The following PIGK variants were observed in gnomAD, a reference collection of about 807,000 sequenced individuals.
PIGK encodes phosphatidylinositol glycan anchor biosynthesis class K, also known as GPI-anchor transamidase.
PIGK carries 42 observed loss-of-function variants against 50.6 expected under a neutral mutation model. The ratio of observed to expected loss-of-function variants is 0.83; its 90% CI spans 0.65 to 1.07. The LOEUF (loss-of-function observed/expected upper bound fraction) is 1.07, where lower values mean the gene tolerates loss of function less well. PIGK is among the 50% of genes least tolerant of loss of function. The pLI is 0.00. For synonymous variants in PIGK, 151 were observed against 156.0 expected (o/e 0.97, Z 0.24); for missense variants, 448 against 488.7 (o/e 0.92, Z 0.78).
chr1:77,201,551 G>T (rs1246525671), intron 3 of PIGK, among the ~76,000 whole-genome samples: 2 of 152,130 alleles, frequency 1.3e-5, no homozygotes, highest in Non-Finnish European at 2.9e-5. Flanking sequence ...CTTGAGGCCA[G>T]GAGTGTGAGA....
intron 8 of PIGK, among the ~76,000 whole-genome samples, chr1:77,158,553 G>A (rs1557809296): frequency 6.6e-6 from 1 of 152,096 alleles, no homozygotes; most frequent in Non-Finnish European, 1.5e-5. Flanking sequence ...GAGACTTGTT[G>A]AATGGTTTTA....
chr1:77,122,648 G>A (rs1654127993), intron 9 of PIGK, among the ~76,000 whole-genome samples: 1 of 152,162 alleles, frequency 6.6e-6, no homozygotes, highest in Non-Finnish European at 1.5e-5. Flanking sequence ...CTGTCCAAAA[G>A]AGGGTGTTTC....
chr1:77,120,117 C>T (rs1654062429), intron 10 of PIGK, among the ~76,000 whole-genome samples: 1 of 152,124 alleles, frequency 6.6e-6, no homozygotes, highest in African/African-American at 2.4e-5. Context: ...TTATACACTA[C>T]AATAATGCTA....
At chr1:77,208,606 C>T (rs1656346660) in intron 2 of PIGK, among the ~76,000 whole-genome samples, 1 of 152,132 alleles carries the variant, frequency 6.6e-6, no homozygotes, top group East Asian at 1.9e-4. Flanking sequence ...CCCAATAGTT[C>T]TCCTTACTTT....
At chr1:77,214,787 G>A (rs1342628584) in intron 1 of PIGK, among the ~76,000 whole-genome samples, 1 of 152,078 alleles carries the variant, frequency 6.6e-6, no homozygotes, top group Non-Finnish European at 1.5e-5. Flanking sequence ...GAACTGATAA[G>A]ACTAATTCAG....
intron 3 of PIGK, among the ~76,000 whole-genome samples, chr1:77,205,805 T>C (rs1326811589): frequency 6.6e-6 from 1 of 152,124 alleles, no homozygotes; most frequent in Non-Finnish European, 1.5e-5. Context: ...GACAAAACAA[T>C]GTAGAAGACA....
intron 1 of PIGK, among the ~76,000 whole-genome samples, chr1:77,211,215 G>A (rs1656413104): frequency 6.6e-6 from 1 of 151,732 alleles, no homozygotes; most frequent in Non-Finnish European, 1.5e-5. Context: ...TATATTCAAT[G>A]ATGTATTCCA....
chr1:77,217,392 A>C, intron 1 of PIGK, among the ~76,000 whole-genome samples: 1 of 152,324 alleles, frequency 6.6e-6, no homozygotes, highest in Admixed American at 6.5e-5. Flanking sequence ...ATGTGAGAAA[A>C]AGCTTAAAGG....
chr1:77,126,716 T>C (rs1234392129), intron 9 of PIGK, among the ~76,000 whole-genome samples: 1 of 152,198 alleles, frequency 6.6e-6, no homozygotes, highest in Non-Finnish European at 1.5e-5. Flanking sequence ...GTCAGGTCTC[T>C]GACAAACCAT....
intron 1 of PIGK, among the ~76,000 whole-genome samples, chr1:77,218,223 GCAATTAATA>G (rs1251075911): frequency 6.6e-6 from 1 of 152,194 alleles, no homozygotes; most frequent in Non-Finnish European, 1.5e-5. Context: ...TATTCTGTAT[GCAATTAATA>G]AATATTTAAA....
chr1:77,145,014 C>A (rs1208929184), intron 9 of PIGK, among the ~76,000 whole-genome samples: 1 of 151,738 alleles, frequency 6.6e-6, no homozygotes, highest in Non-Finnish European at 1.5e-5. Flanking sequence ...TAGGAGAAAT[C>A]CTGTCAACTG....
chr1:77,136,460 C>T (rs1332097875), intron 9 of PIGK, among the ~76,000 whole-genome samples: 1 of 135,144 alleles, frequency 7.4e-6, no homozygotes. Context: ...ACCCGGGAGG[C>T]GGAGCTTGCA....
intron 3 of PIGK, among the ~76,000 whole-genome samples, chr1:77,175,645 A>G (rs1328346001): frequency 6.6e-6 from 1 of 152,178 alleles, no homozygotes; most frequent in Non-Finnish European, 1.5e-5. Flanking sequence ...TTTAAATTAG[A>G]TAAGACAAAG....
chr1:77,115,169 T>C (rs923612052), intron 10 of PIGK, among the ~76,000 whole-genome samples: 3 of 152,004 alleles, frequency 2.0e-5, no homozygotes, highest in South Asian at 4.1e-4. Flanking sequence ...AACAGAAGAA[T>C]TGAAAAATTA....
chr1:77,135,674 A>G (rs1435230798), intron 9 of PIGK, among the ~76,000 whole-genome samples: 1 of 151,680 alleles, frequency 6.6e-6, no homozygotes, highest in East Asian at 1.9e-4. Context: ...TTTCTCCTGC[A>G]ATGTTTCTGA....
chr1:77,196,073 TGTA>T (rs1003444629), intron 3 of PIGK, among the ~76,000 whole-genome samples: 1 of 152,148 alleles, frequency 6.6e-6, no homozygotes, highest in African/African-American at 2.4e-5. Context: ...AGTAAGAACA[TGTA>T]GTATCTGGTT....
chr1:77,106,647 A>C (rs1035830301), intron 10 of PIGK, among the ~76,000 whole-genome samples: 3 of 152,072 alleles, frequency 2.0e-5, no homozygotes, highest in African/African-American at 7.2e-5. Context: ...AATGACAATA[A>C]CCTGAAACAG....
chr1:77,145,549 T>A (rs1264522583), intron 9 of PIGK, among the ~76,000 whole-genome samples: 1 of 152,078 alleles, frequency 6.6e-6, no homozygotes, highest in African/African-American at 2.4e-5. Flanking sequence ...ACATGAGATC[T>A]AAATAACTGT....
At chr1:77,110,566 G>A (rs1398331852) in intron 10 of PIGK, among the ~76,000 whole-genome samples, 1 of 152,104 alleles carries the variant, frequency 6.6e-6, no homozygotes, top group East Asian at 1.9e-4. Context: ...TATGTAGAAA[G>A]CTGAAACTGG....
Sources: gnomAD v4.1 joint callset for allele counts (sites outside exome capture counted in the v4.1 genomes callset) on GRCh38, gnomAD v4.1.1 for gene constraint, MANE v1.5 for transcripts, NCBI Gene and HGNC (gene_info 2026-07-23, HGNC 2026-07-21) for gene names.